Variants in CRACDL observed in about 807,000 individuals in gnomAD.
CRACDL encodes the protein CRACD-like protein.
Under a neutral mutation model 70.6 loss-of-function variants are expected in CRACDL, and 26 were observed. That is an observed-to-expected ratio of 0.37 (90% CI 0.27 to 0.51). CRACDL has a LOEUF of 0.51. Ranked by LOEUF, CRACDL falls within the 20% of genes least tolerant of loss-of-function variation. The pLI is 0.94. For missense variants in CRACDL, 1,283 were observed against 1,376.9 expected, an observed-to-expected ratio of 0.93 and a Z score of 1.08; for synonymous variants, 618 against 615.2, an observed-to-expected ratio of 1.00 and a Z score of -0.07.
intron 1 of CRACDL, among the ~76,000 whole-genome samples, chr2:98,912,468 C>A (rs1474912216): frequency 6.6e-6 from 1 of 152,198 alleles, no homozygotes; most frequent in Admixed American, 6.5e-5. Context: ...CTCCGGCAGG[C>A]GGGGGTCACA....
Position 98,797,235 on chromosome 2 carries a change from G to A in CRACDL, c.2604+115C>T, listed in dbSNP as rs184109694. On this transcript the variant is annotated intron_variant, in intron 8 of 9. Coordinates refer to ENST00000397899, the MANE Select transcript of CRACDL (RefSeq NM_207362.3). ...GACCACACATCCACAACCATCACAGGTGACGGTCCCTGTGACGCCCATGCA... is the reference window on the plus strand; with the variant it reads ...GACCACACATCCACAACCATCACAGATGACGGTCCCTGTGACGCCCATGCA... The A allele has an allele frequency of 8.8e-4, 834 of 946,704 alleles. 7 individuals carry two copies. The African/African-American group carries it at 0.013, about 14-fold the overall frequency. 58.6% of individuals were successfully genotyped at this position (946,704 alleles called of 1,614,324 possible).
intron 5 of CRACDL, among the ~76,000 whole-genome samples, chr2:98,832,112 C>A (rs1705567140): frequency 6.6e-6 from 1 of 152,138 alleles, no homozygotes; most frequent in Non-Finnish European, 1.5e-5. Flanking sequence ...ATTCTATCAA[C>A]CTATCACCCT....
At chr2:98,913,489 A>G (rs1401655788) in intron 1 of CRACDL, among the ~76,000 whole-genome samples, 3 of 151,826 alleles carry the variant, frequency 2.0e-5, no homozygotes, top group Non-Finnish European at 4.4e-5. Flanking sequence ...GCCTGTGGGG[A>G]GTGTGGGGAA....
intron 7 of CRACDL, among the ~76,000 whole-genome samples, chr2:98,803,087 C>T (rs1704146757): frequency 6.6e-6 from 1 of 151,634 alleles, no homozygotes; most frequent in Non-Finnish European, 1.5e-5. Flanking sequence ...GCAAGCTCCG[C>T]CTCCTGGGTT....
At chr2:98,923,542 A>G (rs551025898) in intron 1 of CRACDL, among the ~76,000 whole-genome samples, 14 of 152,330 alleles carry the variant, frequency 9.2e-5, no homozygotes, top group African/African-American at 3.4e-4. Flanking sequence ...GAGGCTACAA[A>G]TATTAATTAT....
chr2:98,856,933 C>A (rs1026305960), intron 1 of CRACDL, among the ~76,000 whole-genome samples: 2 of 152,060 alleles, frequency 1.3e-5, no homozygotes, highest in Non-Finnish European at 2.9e-5. Context: ...AGTCATGATA[C>A]CCTGACCCCT....
rs1048186162 is a variant in CRACDL, at chr2:98,838,034, G to A, written c.239+85C>T. 5.0e-6 allele frequency: 6 copies of A among 1,206,272 alleles called. No individual in the cohort carries two copies. The African/African-American group carries it at 7.7e-5, about 15-fold the overall frequency. The allele number at this position is 1,206,272 out of a possible 1,614,324, so 74.7% of individuals were successfully genotyped here. Reference sequence around the variant, plus strand: ...TAATGGAATTACCCAGGAGGAAAGGGGGCTCAGAAATCCAGCAAGTTACCA... The same window carrying A: ...TAATGGAATTACCCAGGAGGAAAGGAGGCTCAGAAATCCAGCAAGTTACCA... On this transcript the variant is annotated intron_variant, in intron 3 of 9. Coordinates refer to ENST00000397899, the MANE Select transcript of CRACDL (RefSeq NM_207362.3).
chr2:98,806,191 G>A (rs1704285055), intron 7 of CRACDL, among the ~76,000 whole-genome samples: 1 of 152,244 alleles, frequency 6.6e-6, no homozygotes, highest in Admixed American at 6.5e-5. Context: ...CCCAAATGGG[G>A]CCCTGGGGTC....
chr2:98,864,839 G>A (rs572993407), intron 1 of CRACDL, among the ~76,000 whole-genome samples: 8 of 152,318 alleles, frequency 5.3e-5, no homozygotes, highest in Non-Finnish European at 8.8e-5. Flanking sequence ...GAACCACTGC[G>A]CCTGGCCTGA....
chr2:98,884,960 T>G (rs1053256677), intron 1 of CRACDL, among the ~76,000 whole-genome samples: 1 of 152,104 alleles, frequency 6.6e-6, no homozygotes, highest in African/African-American at 2.4e-5. Context: ...TTCCAGAGAG[T>G]GCAGTCAGAT....
rs371156943 is a variant in CRACDL, at chr2:98,797,533, C to A, written c.2421G>T (p.Lys807Asn). ...EKRPLRRGAE[K>N]SLPPAATGPG... is the part of the protein sequence containing the mutation. The stretch of plus-strand genomic sequence containing the variant: ...GCCCTGTTGCTGCAGGCGGCAGACT[C>A]TTTTCTGTTGGGTAAAGGCACAAGA... Residue 807 changes from lysine to asparagine, a missense_variant, in exon 8 of 10, where the codon AAG (lysine) becomes AAT (asparagine). Coordinates refer to ENST00000397899, the MANE Select transcript of CRACDL (RefSeq NM_207362.3). 6.2e-6 allele frequency: 10 copies of A among 1,613,528 alleles called. No individual in the cohort carries two copies. Among genetic ancestry groups the A allele is most frequent in the Non-Finnish European group, 7.6e-6 (9 of 1,180,030 alleles).
chr2:98,930,117 C>A (rs1358233246), intron 1 of CRACDL, among the ~76,000 whole-genome samples: 1 of 152,110 alleles, frequency 6.6e-6, no homozygotes, highest in African/African-American at 2.4e-5. Flanking sequence ...GCAGAACCAT[C>A]CCTGTGTCTC....
chr2:98,928,178 C>T (rs1289395908), intron 1 of CRACDL, among the ~76,000 whole-genome samples: 1 of 150,994 alleles, frequency 6.6e-6, no homozygotes, highest in Admixed American at 6.6e-5. Context: ...AAGCAAGACT[C>T]TCAAAAAAAT....
At chr2:98,830,203 A>T (rs903888543) in intron 5 of CRACDL, among the ~76,000 whole-genome samples, 1 of 152,244 alleles carries the variant, frequency 6.6e-6, no homozygotes, top group Non-Finnish European at 1.5e-5. Flanking sequence ...GTAAACTTTC[A>T]TCAGTTGTTA....
chr2:98,889,318 A>AGAAAGAAG (rs1707897181), intron 1 of CRACDL, among the ~76,000 whole-genome samples: 1 of 140,162 alleles, frequency 7.1e-6, no homozygotes, highest in Non-Finnish European at 1.5e-5. Flanking sequence ...AAAGAAAGAA[A>AGAAAGAAG]GAAAGAAAGA....
In CRACDL at chr2:98,822,290, G is replaced by C. The variant is rs781141996; in HGVS notation, c.1983C>G (p.Pro661=). ...CGGCTGGGCAGGGCTCTCTCGTGCC[G>C]GGCGCGGCGGCCGCCTCCTGAGGGC... ...RKSPQEAAAA[P]GTREPCPAAQ... Residue 661 remains proline, a synonymous_variant, in exon 7 of 10, where the codon CCC becomes CCG. Transcript: ENST00000397899. The surrounding 1 kb of genome is among the most constrained non-coding windows in gnomAD (Gnocchi z 4.9). The C allele has an allele frequency of 2.3e-5, 35 of 1,545,216 alleles. No homozygotes were observed. The highest frequency in any genetic ancestry group is 2.9e-5 in the Non-Finnish European group (34 of 1,156,216).
At chr2:98,848,343 C>T (rs1706345215) in intron 1 of CRACDL, among the ~76,000 whole-genome samples, 1 of 152,110 alleles carries the variant, frequency 6.6e-6, no homozygotes, top group South Asian at 2.1e-4. Flanking sequence ...CCCCTCATCC[C>T]CAAGAGTCCT....
At chr2:98,843,153 T>A (rs1023682446) in intron 2 of CRACDL, among the ~76,000 whole-genome samples, 1 of 152,192 alleles carries the variant, frequency 6.6e-6, no homozygotes, top group African/African-American at 2.4e-5. Flanking sequence ...ATTATAGATA[T>A]TGAGCATTTC....
intron 7 of CRACDL, among the ~76,000 whole-genome samples, chr2:98,814,299 TGA>T (rs1176286423): frequency 6.6e-6 from 1 of 152,194 alleles, no homozygotes; most frequent in Admixed American, 6.5e-5. Flanking sequence ...AATTTAATGT[TGA>T]GTTTCCCTAA....
Sources: allele counts gnomAD v4.1 joint callset (sites outside exome capture counted in the v4.1 genomes callset), GRCh38; gene constraint gnomAD v4.1.1; non-coding constraint Gnocchi (gnomAD v3.1); transcripts MANE v1.5; gene names NCBI Gene and HGNC (gene_info 2026-07-23, HGNC 2026-07-21).